The following RBFOX1 variants were observed in gnomAD, a reference collection of about 807,000 sequenced individuals.
RBFOX1 encodes the protein RNA binding protein fox-1 homolog 1.
RBFOX1 carries 8 observed loss-of-function variants against 57.7 expected under a neutral mutation model. That is an observed-to-expected ratio of 0.14 (90% CI 0.08 to 0.25). The LOEUF (loss-of-function observed/expected upper bound fraction) is 0.25. Ranked by LOEUF, RBFOX1 falls within the 10% of genes least tolerant of loss-of-function variation. The pLI, the probability that RBFOX1 is intolerant of heterozygous loss-of-function variation, is 1.00. For missense variants in RBFOX1, 611 were observed against 548.5 expected, an observed-to-expected ratio of 1.11 and a Z score of -1.14; for synonymous variants, 326 against 222.4, an observed-to-expected ratio of 1.47 and a Z score of -4.15.
At chr16:5,343,401 A>G (rs748062119) in intron 1 of RBFOX1, among the ~76,000 whole-genome samples, 47 of 140,342 alleles carry the variant, frequency 3.3e-4, no homozygotes, top group African/African-American at 1.0e-3. Flanking sequence ...TGCAAGCTCT[A>G]TCTCCCAGGT....
intron 3 of RBFOX1, among the ~76,000 whole-genome samples, chr16:6,715,733 T>A (rs926293661): frequency 6.7e-6 from 1 of 149,394 alleles, no homozygotes; most frequent in African/African-American, 2.6e-5. Flanking sequence ...GGGTGGTTTT[T>A]ATCCAGTGAA....
intron 2 of RBFOX1, among the ~76,000 whole-genome samples, chr16:6,434,170 A>C (rs941460168): frequency 6.6e-6 from 1 of 152,078 alleles, no homozygotes; most frequent in Non-Finnish European, 1.5e-5. Flanking sequence ...ACTTGTGATA[A>C]CATAAGACAC....
intron 1 of RBFOX1, among the ~76,000 whole-genome samples, chr16:5,243,977 A>G (rs1052319997): frequency 1.7e-4 from 26 of 151,808 alleles, no homozygotes; most frequent in Non-Finnish European, 3.4e-4. Flanking sequence ...GCTCACTGCA[A>G]CCTCCACCTC....
chr16:6,390,546 G>C (rs1303844800), intron 2 of RBFOX1, among the ~76,000 whole-genome samples: 1 of 148,710 alleles, frequency 6.7e-6, no homozygotes, highest in Non-Finnish European at 1.5e-5. Flanking sequence ...AATTTAGGGA[G>C]GGAGTGAGAA....
intron 3 of RBFOX1, among the ~76,000 whole-genome samples, chr16:6,937,686 C>T (rs1251316543): frequency 6.6e-6 from 1 of 151,990 alleles, no homozygotes; most frequent in Non-Finnish European, 1.5e-5. Context: ...ACGTTATTGG[C>T]AATTGGTTAA....
At chr16:6,923,505 C>T (rs1232416238) in intron 3 of RBFOX1, among the ~76,000 whole-genome samples, 1 of 151,998 alleles carries the variant, frequency 6.6e-6, no homozygotes, top group African/African-American at 2.4e-5. Context: ...TGCACTCCAG[C>T]CTGGATGATG....
intron 3 of RBFOX1, among the ~76,000 whole-genome samples, chr16:7,018,292 T>C (rs1459804914): frequency 1.3e-5 from 2 of 152,152 alleles, no homozygotes; most frequent in Non-Finnish European, 2.9e-5. Context: ...TTCTAATATT[T>C]TGGGCGAGAT....
chr16:7,532,209 C>G lies in RBFOX1; in HGVS notation c.270+13820C>G, dbSNP rs1042341757. 2.6e-5 allele frequency among the ~76,000 whole-genome samples: 4 copies of G among 151,044 alleles called. No homozygotes were observed. In the South Asian group the frequency reaches 8.4e-4, roughly 32 times the overall value. ...ACAGGAGGTGGGTTTCGTCCCCCCT[C>G]TTCCCTCTAATTGGCTTGCAAGTGG... is the stretch of plus-strand genomic sequence containing the variant. On this transcript the variant is annotated intron_variant, in intron 5 of 15. Transcript: ENST00000550418.
At chr16:5,481,563 A>G (rs2069542199) in intron 2 of RBFOX1, among the ~76,000 whole-genome samples, 1 of 152,182 alleles carries the variant, frequency 6.6e-6, no homozygotes. Context: ...TTTCATCTCT[A>G]CATGATGCAT....
At chr16:7,597,637 C>T (rs1170314076) in intron 9 of RBFOX1, among the ~76,000 whole-genome samples, 1 of 152,206 alleles carries the variant, frequency 6.6e-6, no homozygotes, top group Non-Finnish European at 1.5e-5. Context: ...AGTGTGCCTG[C>T]CCTTCTTCCC....
intron 3 of RBFOX1, among the ~76,000 whole-genome samples, chr16:5,807,253 C>T (rs551232422): frequency 5.3e-5 from 8 of 152,180 alleles, no homozygotes; most frequent in Admixed American, 1.3e-4. Context: ...TCTCCCTTCA[C>T]GGGGGCTGTG....
intron 1 of RBFOX1, among the ~76,000 whole-genome samples, chr16:6,172,994 G>A (rs562376961): frequency 3.9e-5 from 6 of 152,224 alleles, no homozygotes; most frequent in South Asian, 4.2e-4. Flanking sequence ...CTCCATCTTC[G>A]AAGCCAGGGA....
chr16:7,444,921 A>G (rs1388633637), intron 4 of RBFOX1, among the ~76,000 whole-genome samples: 1 of 152,190 alleles, frequency 6.6e-6, no homozygotes, highest in East Asian at 1.9e-4. Flanking sequence ...GCTTACCATG[A>G]ATTCTAAGTC....
chr16:6,030,805 C>G (rs766235636), intron 1 of RBFOX1, among the ~76,000 whole-genome samples: 5 of 152,194 alleles, frequency 3.3e-5, no homozygotes, highest in Admixed American at 2.0e-4. Flanking sequence ...TCCTGGAGCA[C>G]TATTTATGCT....
intron 4 of RBFOX1, among the ~76,000 whole-genome samples, chr16:7,497,775 C>A (rs1490330883): frequency 6.6e-6 from 1 of 152,204 alleles, no homozygotes; most frequent in East Asian, 1.9e-4. Flanking sequence ...GATAACCTTG[C>A]AGAGCAAGAT....
intron 1 of RBFOX1, among the ~76,000 whole-genome samples, chr16:5,370,689 C>A (rs573328042): frequency 6.6e-6 from 1 of 151,838 alleles, no homozygotes; most frequent in African/African-American, 2.4e-5. Context: ...GAGACAGAGT[C>A]TCTGTGTTGC....
intron 3 of RBFOX1, among the ~76,000 whole-genome samples, chr16:5,861,868 G>A (rs758253488): frequency 7.2e-5 from 11 of 152,178 alleles, no homozygotes; most frequent in Non-Finnish European, 1.2e-4. Flanking sequence ...AAAGAGGTCA[G>A]GAAAGAAAAG....
intron 3 of RBFOX1, among the ~76,000 whole-genome samples, chr16:5,642,063 G>A (rs2048895777): frequency 6.6e-6 from 1 of 152,150 alleles, no homozygotes; most frequent in Non-Finnish European, 1.5e-5. Context: ...CTGGGAGGAG[G>A]CCATGGTCTG....
In RBFOX1 at chr16:6,589,299, T is replaced by C. The variant is rs148211007; in HGVS notation, c.-63-65304T>C. ...GACAGGGAAATTGCAATAGAAAATATGTGTAATTCACCCAGAGCCAGCTGT... is the reference window on the plus strand; with the variant it reads ...GACAGGGAAATTGCAATAGAAAATACGTGTAATTCACCCAGAGCCAGCTGT... On this transcript the variant is annotated intron_variant, in intron 2 of 15. Transcript: ENST00000550418. Among the ~76,000 whole-genome samples, 259 of 152,306 alleles carry C rather than the reference T, an allele frequency of 1.7e-3. 3 individuals are homozygous for C. Among genetic ancestry groups the C allele is most frequent in the Middle Eastern group, 3.4e-3 (1 of 294 alleles).
Sources: allele counts gnomAD v4.1 joint callset (sites outside exome capture counted in the v4.1 genomes callset), GRCh38; gene constraint gnomAD v4.1.1; transcripts MANE v1.5; gene names NCBI Gene and HGNC (gene_info 2026-07-23, HGNC 2026-07-21).